The following MEX3D variants were observed in gnomAD, a reference collection of about 807,000 sequenced individuals.
The protein encoded by MEX3D is mex-3 RNA binding family member D, also known as RNA-binding protein MEX3D.
Under a neutral mutation model 6.3 loss-of-function variants are expected in MEX3D, and 4 were observed. The ratio of observed to expected loss-of-function variants is 0.64; its 90% CI spans 0.31 to 1.46. MEX3D has a LOEUF of 1.46. MEX3D is among the 40% of genes most tolerant of loss of function. The pLI, the probability that MEX3D is intolerant of heterozygous loss-of-function variation, is 0.07. For synonymous variants in MEX3D, 626 were observed against 494.1 expected, an observed-to-expected ratio of 1.27 and a Z score of -3.54; for missense variants, 1,038 against 994.4, an observed-to-expected ratio of 1.04 and a Z score of -0.59.
intron 1 of MEX3D, among the ~76,000 whole-genome samples, chr19:1,560,932 G>A (rs998082383): frequency 3.9e-5 from 6 of 152,260 alleles, no homozygotes; most frequent in South Asian, 4.2e-4. Flanking sequence ...ATGACACAGC[G>A]AGGCTAGAGG....
Position 1,556,480 on chromosome 19 carries a change from CGGT to C in MEX3D, c.1036_1038del (p.Thr346del). 1 of 1,602,336 alleles carries C rather than the reference CGGT, an allele frequency of 6.2e-7. No individual in the cohort carries two copies. The highest frequency in any genetic ancestry group is 1.1e-5 in the South Asian group (1 of 90,912). On this transcript the variant is annotated inframe_deletion, in exon 2 of 2. Transcript: ENST00000402693. The surrounding 1 kb of genome is among the most constrained non-coding windows in gnomAD (Gnocchi z 7.5). ...TGGAAGTCGCTGTCGGGGCCCGCGTCGGTGAAGGCGCCAGTGCGCAGCGTGATG... is the reference window on the plus strand; with the variant it reads ...TGGAAGTCGCTGTCGGGGCCCGCGTCGAAGGCGCCAGTGCGCAGCGTGATG...
chr19:1,555,808 C>G lies in MEX3D; in HGVS notation c.1711G>C (p.Ala571Pro). Reference sequence around the variant, plus strand: ...CCGGAGTCCAGGGGGGCGCAGGCGGCGGCCGCGGGGCTGCTGGGCAGCGAG... The same window carrying G: ...CCGGAGTCCAGGGGGGCGCAGGCGGGGGCCGCGGGGCTGCTGGGCAGCGAG... Reference protein sequence around the residue: ...ATSLPSSPAAAACAPLDSGAS... With the variant: ...ATSLPSSPAAPACAPLDSGAS... Residue 571 changes from alanine to proline, a missense_variant, in exon 2 of 2, where the codon GCC (alanine) becomes CCC (proline). Physicochemically the swap from Ala to Pro is conservative, Grantham distance 27 (BLOSUM62 -1). This residue lies in a region of MEX3D where 581 missense variants were observed against 516.2 expected (regional missense o/e 1.13). Coordinates refer to ENST00000402693, the MANE Select transcript of MEX3D (RefSeq NM_203304.4). 3 of 1,379,396 alleles carry G rather than the reference C, an allele frequency of 2.2e-6. No individual in the cohort carries two copies. The highest frequency in any genetic ancestry group is 2.8e-6 in the Non-Finnish European group (3 of 1,075,480). 85.4% of individuals were successfully genotyped at this position (1,379,396 alleles called of 1,614,324 possible).
chr19:1,556,195 G>A lies in MEX3D; in HGVS notation c.1324C>T (p.Pro442Ser), dbSNP rs1413774000. 7 of 1,451,128 alleles carry A rather than the reference G, an allele frequency of 4.8e-6. No individual in the cohort carries two copies. The African/African-American group carries it at 6.0e-5, about 12-fold the overall frequency. 89.9% of individuals were successfully genotyped at this position (1,451,128 alleles called of 1,614,324 possible). ...FAFGAEGPGA[P>S]VGTAAPDDCD... ...TCGTCGGGGGCGGCCGTCCCCACCG[G>A]GGCACCGGGACCCTCCGCGCCGAAG... The change falls in exon 2 of 2, where the codon CCG (proline) becomes TCG (serine). Residue 442 changes from proline to serine, a missense_variant. This residue lies in a region of MEX3D where 581 missense variants were observed against 516.2 expected (regional missense o/e 1.13). Coordinates refer to ENST00000402693, the MANE Select transcript of MEX3D (RefSeq NM_203304.4). The surrounding 1 kb of genome is among the most constrained non-coding windows in gnomAD (Gnocchi z 7.5).
chr19:1,556,263 C>T lies in MEX3D; in HGVS notation c.1256G>A (p.Gly419Asp). 7.5e-7 allele frequency: 1 copy of T among 1,337,504 alleles called. No homozygotes were observed. Among genetic ancestry groups the T allele is most frequent in the Non-Finnish European group, 9.5e-7 (1 of 1,049,672 alleles). The allele number at this position is 1,337,504 out of a possible 1,614,324, so 82.9% of individuals were successfully genotyped here. A position where few individuals can be genotyped will look rare whatever the true frequency, so the allele number is the denominator to read the frequency against. The change falls in exon 2 of 2, where the codon GGC becomes GAC. Residue 419 changes from glycine (G) to aspartate (D), a missense_variant. Transcript: ENST00000402693. The surrounding 1 kb of genome is among the most constrained non-coding windows in gnomAD (Gnocchi z 7.5). ...GGAGCCGCTGTAGGGGCTGGCGGGG[C>T]CTGGGTCCGGCACGGAGGGGCCGCC... ...SRGGPSVPDPGPASPYSGSGN... is the reference protein window; with the variant it reads ...SRGGPSVPDPDPASPYSGSGN...
chr19:1,568,286 ACGGCGGCGGCGGCTCCT>A lies in MEX3D; in HGVS notation c.-245_-229del, dbSNP rs1914911174. 7.7e-6 allele frequency among the ~76,000 whole-genome samples: 1 copy of A among 130,214 alleles called. No homozygotes were observed. Among genetic ancestry groups the A allele is most frequent in the African/African-American group, 2.8e-5 (1 of 35,948 alleles). The allele number at this position is 130,214 out of a possible 152,430, so 85.4% of individuals were successfully genotyped here. ...TGGCTGCGGCTCGGCGGCGGCGGCG[ACGGCGGCGGCGGCTCCT>A]CGGCGGCCGAGGCGGCGGCGGCGGC... On this transcript the variant is annotated 5_prime_UTR_variant, in exon 1 of 2. Coordinates refer to ENST00000402693, the MANE Select transcript of MEX3D (RefSeq NM_203304.4).
At chr19:1,565,196 A>C (rs1914809384) in intron 1 of MEX3D, among the ~76,000 whole-genome samples, 1 of 152,086 alleles carries the variant, frequency 6.6e-6, no homozygotes, top group Non-Finnish European at 1.5e-5. Flanking sequence ...GACCAGCCTG[A>C]GCAACAGAGC....
At position 1,556,084 on chromosome 19, in the gene MEX3D, C is replaced by A; in HGVS notation, c.1435G>T (p.Ala479Ser). Residue 479 changes from alanine (A) to serine (S), a missense_variant, in exon 2 of 2, where the codon GCC becomes TCC. Ala to Ser is a moderately conservative substitution (Grantham distance 99). Transcript: ENST00000402693. This position sits in a 1 kb window ranked among gnomAD's most constrained non-coding sequence, Gnocchi z 7.5. ...CCGCTGAAGGCGGGCAAGGGGGCGG[C>A]GCGCTCAAAAGGCGCCCAGATGGTG... ...AATIWAPFER[A>S]APLPAFSGCS... The A allele has an allele frequency of 1.4e-6, 2 of 1,432,912 alleles. No homozygotes were observed. Among genetic ancestry groups the A allele is most frequent in the Admixed American group, 2.5e-5 (1 of 40,718 alleles). The allele number at this position is 1,432,912 out of a possible 1,614,324, so 88.8% of individuals were successfully genotyped here.
Position 1,556,354 on chromosome 19 carries a change from C to T in MEX3D, c.1165G>A (p.Gly389Ser), listed in dbSNP as rs764240676. 1 of 1,441,376 alleles carries T rather than the reference C, an allele frequency of 6.9e-7. No homozygotes were observed. Among genetic ancestry groups the T allele is most frequent in the Non-Finnish European group, 9.0e-7 (1 of 1,107,614 alleles). The allele number at this position is 1,441,376 out of a possible 1,614,324, so 89.3% of individuals were successfully genotyped here. Reference sequence around the variant, plus strand: ...CCCAGGGCCGTGTCCCCGCGGAGGCCGGCCGTGGCCGTGGGGGGCCGTCGT... The same window carrying T: ...CCCAGGGCCGTGTCCCCGCGGAGGCTGGCCGTGGCCGTGGGGGGCCGTCGT... ...QGRRPPTATA[G>S]LRGDTALGAP... Residue 389 changes from glycine to serine, a missense_variant, in exon 2 of 2, where the codon GGC becomes AGC. Gly to Ser is a moderately conservative substitution (Grantham distance 56, BLOSUM62 0). Around this residue, in one of 5 missense-constraint regions of MEX3D, gnomAD observed 581 missense variants for 516.2 expected, o/e 1.13. Coordinates refer to ENST00000402693, the MANE Select transcript of MEX3D (RefSeq NM_203304.4). This position sits in a 1 kb window ranked among gnomAD's most constrained non-coding sequence, Gnocchi z 7.5.
At position 1,567,185 on chromosome 19, in the gene MEX3D, C is replaced by T. The variant is rs1051913518; in HGVS notation, c.595+279G>A. On this transcript the variant is annotated intron_variant, in intron 1 of 1. Transcript: ENST00000402693. This position sits in a 1 kb window ranked among gnomAD's most constrained non-coding sequence, Gnocchi z 6.5. ...TGCGGGCGGCCGAGGGCCTGGGCTGCGGCGCGGCTCCCCGGAGCCTTTCCG... is the reference window on the plus strand; with the variant it reads ...TGCGGGCGGCCGAGGGCCTGGGCTGTGGCGCGGCTCCCCGGAGCCTTTCCG... 1.3e-5 allele frequency among the ~76,000 whole-genome samples: 2 copies of T among 151,922 alleles called. No homozygotes were observed. The highest frequency in any genetic ancestry group is 2.4e-5 in the African/African-American group (1 of 41,430).
At chr19:1,562,328 C>CTGG in intron 1 of MEX3D, among the ~76,000 whole-genome samples, 1 of 148,994 alleles carries the variant, frequency 6.7e-6, no homozygotes, top group African/African-American at 2.5e-5. Context: ...AGTTCGAGAC[C>CTGG]AGACTGACCA....
At position 1,567,907 on chromosome 19, in the gene MEX3D, TCGGGCGGCGGCCGGGGCG is replaced by T. The variant is rs1407829947; in HGVS notation, c.134_151del (p.Ala45_Pro50del). On this transcript the variant is annotated inframe_deletion, in exon 1 of 2. Coordinates refer to ENST00000402693, the MANE Select transcript of MEX3D (RefSeq NM_203304.4). This position sits in a 1 kb window ranked among gnomAD's most constrained non-coding sequence, Gnocchi z 6.5. Reference sequence around the variant, plus strand: ...GAGCGCGGCGGCCGCGTCGTCGGGTTCGGGCGGCGGCCGGGGCGCGGGCGCGGCCTCCTGGGCGCCCTC... The same window carrying T: ...GAGCGCGGCGGCCGCGTCGTCGGGTTCGGGCGCGGCCTCCTGGGCGCCCTC... 2.1e-6 allele frequency: 2 copies of T among 973,796 alleles called. No individual in the cohort carries two copies. The highest frequency in any genetic ancestry group is 2.4e-6 in the Non-Finnish European group (2 of 826,254). 60.3% of individuals were successfully genotyped at this position (973,796 alleles called of 1,614,324 possible). A position where few individuals can be genotyped will look rare whatever the true frequency, so the allele number is the denominator to read the frequency against.
chr19:1,559,108 C>T (rs1024415822), intron 1 of MEX3D, among the ~76,000 whole-genome samples: 1 of 151,962 alleles, frequency 6.6e-6, no homozygotes, highest in Non-Finnish European at 1.5e-5. Context: ...CCACCTCAGC[C>T]TCCAGAGCTG....
intron 1 of MEX3D, among the ~76,000 whole-genome samples, chr19:1,561,381 A>G (rs972289049): frequency 2.0e-5 from 3 of 152,202 alleles, no homozygotes; most frequent in Non-Finnish European, 4.4e-5. Flanking sequence ...AAGGCCTCAC[A>G]GCCAACACTC....
In MEX3D at chr19:1,567,228, A is replaced by G. The variant is rs1018279703; in HGVS notation, c.595+236T>C. 3.3e-5 allele frequency among the ~76,000 whole-genome samples: 5 copies of G among 151,872 alleles called. No individual in the cohort carries two copies. Among genetic ancestry groups the G allele is most frequent in the Admixed American group, 6.6e-5 (1 of 15,238 alleles). On this transcript the variant is annotated intron_variant, in intron 1 of 1. Coordinates refer to ENST00000402693, the MANE Select transcript of MEX3D (RefSeq NM_203304.4). The surrounding 1 kb of genome is among the most constrained non-coding windows in gnomAD (Gnocchi z 6.5). ...CCTTTCCGGGCTGGAGGCGGCCCAG[A>G]CAAAGGCGGCGGCGGGGCCGGAGCG...
At chr19:1,566,130 G>C (rs1914833174) in intron 1 of MEX3D, among the ~76,000 whole-genome samples, 2 of 152,202 alleles carry the variant, frequency 1.3e-5, no homozygotes, top group South Asian at 4.1e-4. Flanking sequence ...TCAATGGGGA[G>C]GCAGTAACAG....
intron 1 of MEX3D, among the ~76,000 whole-genome samples, chr19:1,557,548 AAAGC>A (rs1234376195): frequency 2.1e-5 from 3 of 144,086 alleles, no homozygotes; most frequent in Non-Finnish European, 3.0e-5. Context: ...CCTGGACGAC[AAAGC>A]AAGACTCCAA....
intron 1 of MEX3D, among the ~76,000 whole-genome samples, chr19:1,562,790 G>A (rs1255876508): frequency 2.6e-5 from 4 of 152,118 alleles, no homozygotes; most frequent in Admixed American, 1.3e-4. Flanking sequence ...GGAGGCAGGC[G>A]GATGACCTGA....
chr19:1,555,296 G>T lies in MEX3D; in HGVS notation c.*267C>A. 2 of 1,575,786 alleles carry T rather than the reference G, an allele frequency of 1.3e-6. No individual in the cohort carries two copies. Among genetic ancestry groups the T allele is most frequent in the Admixed American group, 1.7e-5 (1 of 58,188 alleles). ...AAGAAAACTAAAAAAAGTGCAAGCG[G>T]ACCTTTTCTCTCCGGTTTATTGTAA... On this transcript the variant is annotated 3_prime_UTR_variant, in exon 2 of 2. Coordinates refer to ENST00000402693, the MANE Select transcript of MEX3D (RefSeq NM_203304.4).
rs1055622998 is a variant in MEX3D, at chr19:1,567,644, G to A, written c.415C>T (p.Pro139Ser). Reference sequence around the variant, plus strand: ...AACACGTCGGGGGGCGACGGCCGGGGCGGCGGCGGCGGCGGGGGACTCGCG... The same window carrying A: ...AACACGTCGGGGGGCGACGGCCGGGACGGCGGCGGCGGCGGGGGACTCGCG... ...PNASPPPPPP[P>S]RPSPPDVFAG... The change falls in exon 1 of 2, where the codon CCC becomes TCC. Residue 139 changes from proline (P) to serine (S), a missense_variant. Around this residue, in one of 5 missense-constraint regions of MEX3D, gnomAD observed 265 missense variants for 206.3 expected, o/e 1.28. Transcript: ENST00000402693. This position sits in a 1 kb window ranked among gnomAD's most constrained non-coding sequence, Gnocchi z 6.5. 8.1e-6 allele frequency: 9 copies of A among 1,114,926 alleles called. No individual in the cohort carries two copies. Among genetic ancestry groups the A allele is most frequent in the Admixed American group, 9.2e-5 (2 of 21,786 alleles). 69.1% of individuals were successfully genotyped at this position (1,114,926 alleles called of 1,614,324 possible).
Sources: gnomAD v4.1 joint callset for allele counts (sites outside exome capture counted in the v4.1 genomes callset) on GRCh38, gnomAD v4.1.1 for gene constraint, gnomAD v4.1.1 regional missense constraint, Gnocchi (gnomAD v3.1) non-coding constraint, MANE v1.5 for transcripts, NCBI Gene and HGNC (gene_info 2026-07-23, HGNC 2026-07-21) for gene names.